Variants in GRIA2 observed in about 807,000 individuals in gnomAD.
The protein encoded by GRIA2 is glutamate receptor 2.
In GRIA2, 14 loss-of-function variants were observed where a neutral mutation model predicts 97.3. The ratio of observed to expected loss-of-function variants is 0.14; its 90% confidence interval spans 0.10 to 0.23. GRIA2 has a LOEUF of 0.23. Among genes scored for constraint, GRIA2 ranks in the 10% least tolerant of loss-of-function variants. GRIA2 has a pLI of 1.00. For synonymous variants in GRIA2, 412 were observed against 387.8 expected, an observed-to-expected ratio of 1.06 and a Z score of -0.73; for missense variants, 558 against 1,069.8, an observed-to-expected ratio of 0.52 and a Z score of 6.67.
chr4:157,359,891 T>C lies in GRIA2; in HGVS notation c.2044-5T>C. The C allele has an allele frequency of 1.2e-6, 2 of 1,613,184 alleles. No individual in the cohort carries two copies. Among genetic ancestry groups the C allele is most frequent in the Non-Finnish European group, 1.7e-6 (2 of 1,179,354 alleles). On this transcript the variant is annotated splice_polypyrimidine_tract_variant and splice_region_variant and intron_variant, in intron 12 of 15. Transcript: ENST00000264426. Reference sequence around the variant, plus strand: ...ATGCTATCTGGCCCCTTACTTTTCCTGCAGAGATCTAAAATTGCAGTGTTT... The same window carrying C: ...ATGCTATCTGGCCCCTTACTTTTCCCGCAGAGATCTAAAATTGCAGTGTTT...
chr4:157,244,853 T>C (rs572366242), intron 2 of GRIA2, among the ~76,000 whole-genome samples: 2 of 152,100 alleles, frequency 1.3e-5, no homozygotes, highest in East Asian at 3.9e-4. Context: ...GAGTTGCTAG[T>C]TGTGAGGAGG....
intron 2 of GRIA2, among the ~76,000 whole-genome samples, chr4:157,274,994 A>C (rs1321522202): frequency 1.3e-5 from 2 of 151,288 alleles, no homozygotes; most frequent in Non-Finnish European, 3.0e-5. Flanking sequence ...ACAGTGTAAA[A>C]GTGTTCCTAT....
chr4:157,275,850 G>A (rs1011452701), intron 2 of GRIA2, among the ~76,000 whole-genome samples: 1 of 151,958 alleles, frequency 6.6e-6, no homozygotes, highest in Non-Finnish European at 1.5e-5. Context: ...TTGGCGATGT[G>A]GGCTCTTTTT....
chr4:157,238,842 C>A (rs1730364538), intron 2 of GRIA2, among the ~76,000 whole-genome samples: 1 of 152,036 alleles, frequency 6.6e-6, no homozygotes, highest in African/African-American at 2.4e-5. Context: ...GTCTTTCATA[C>A]CCTGTGCATC....
intron 2 of GRIA2, among the ~76,000 whole-genome samples, chr4:157,228,023 T>G (rs1729825783): frequency 6.6e-6 from 1 of 152,166 alleles, no homozygotes; most frequent in South Asian, 2.1e-4. Flanking sequence ...AATTTAAAAG[T>G]TTTTTGTCAT....
At chr4:157,295,746 T>C (rs1733318738) in intron 2 of GRIA2, among the ~76,000 whole-genome samples, 1 of 152,150 alleles carries the variant, frequency 6.6e-6, no homozygotes, top group South Asian at 2.1e-4. Flanking sequence ...TGTATTTACC[T>C]ACATTTTGTG....
chr4:157,318,554 T>G (rs1560763608), intron 5 of GRIA2, among the ~76,000 whole-genome samples: 1 of 152,124 alleles, frequency 6.6e-6, no homozygotes. Context: ...CTTTTACAAT[T>G]AAAAAAGAAG....
chr4:157,357,666 G>T (rs1736451784), intron 12 of GRIA2, among the ~76,000 whole-genome samples: 1 of 152,050 alleles, frequency 6.6e-6, no homozygotes, highest in Admixed American at 6.6e-5. Context: ...GAACTTGTAT[G>T]TCTAGGTGAC....
intron 3 of GRIA2, among the ~76,000 whole-genome samples, chr4:157,306,639 T>C (rs1733857235): frequency 6.6e-6 from 1 of 152,198 alleles, no homozygotes; most frequent in African/African-American, 2.4e-5. Flanking sequence ...GACATAAATA[T>C]GTAAGACTCT....
At chr4:157,300,951 G>A (rs1733589285) in intron 2 of GRIA2, among the ~76,000 whole-genome samples, 1 of 152,148 alleles carries the variant, frequency 6.6e-6, no homozygotes, top group Non-Finnish European at 1.5e-5. Flanking sequence ...TCAAACAGTG[G>A]CATTCTTTAT....
chr4:157,267,391 C>CAAAA (rs772189197), intron 2 of GRIA2, among the ~76,000 whole-genome samples: 1 of 51,758 alleles, frequency 1.9e-5, no homozygotes, highest in Non-Finnish European at 4.0e-5. Context: ...GACTCCATCT[C>CAAAA]AAAAAAAAAA....
intron 2 of GRIA2, among the ~76,000 whole-genome samples, chr4:157,222,659 G>T (rs1006896393): frequency 6.6e-6 from 1 of 152,224 alleles, no homozygotes; most frequent in Non-Finnish European, 1.5e-5. Flanking sequence ...CTGGGAAGCC[G>T]TGGGATCTGG....
chr4:157,360,719 T>A, intron 13 of GRIA2: 8 of 501,398 alleles, frequency 1.6e-5, no homozygotes, highest in East Asian at 1.1e-4. Flanking sequence ...TGGAGTCACA[T>A]TCAAGACACT....
At chr4:157,234,325 T>C (rs77281021) in intron 2 of GRIA2, among the ~76,000 whole-genome samples, 7,143 of 152,154 alleles carry the variant, frequency 0.047, 269 homozygotes, top group African/African-American at 0.1. Context: ...TATGTAATTT[T>C]CAAAATAATA....
In GRIA2 at chr4:157,238,286, G is replaced by T. The variant is rs375857643; in HGVS notation, c.229+16479G>T. On this transcript the variant is annotated intron_variant, in intron 2 of 15. Coordinates refer to ENST00000264426, the MANE Select transcript of GRIA2 (RefSeq NM_001083619.3). ...TGTGTATTTTTGGCCAACCGTCAGG[G>T]AAATTTATAAATCTTTAACCACTTT... Among the ~76,000 whole-genome samples the T allele has an allele frequency of 2.6e-4, 39 of 152,212 alleles. No individual in the cohort carries two copies. In the East Asian group the frequency reaches 4.4e-3, roughly 17 times the overall value.
intron 2 of GRIA2, among the ~76,000 whole-genome samples, chr4:157,225,098 G>C (rs552457110): frequency 6.6e-6 from 1 of 152,044 alleles, no homozygotes; most frequent in Non-Finnish European, 1.5e-5. Context: ...TGAAGTGGAC[G>C]TTGATATGAG....
chr4:157,229,739 T>G (rs936719974), intron 2 of GRIA2, among the ~76,000 whole-genome samples: 23 of 152,160 alleles, frequency 1.5e-4, no homozygotes, highest in African/African-American at 5.3e-4. Flanking sequence ...TGGCCTAAAT[T>G]TTAGTTCTTC....
chr4:157,305,563 C>T (rs1056134157), intron 3 of GRIA2, among the ~76,000 whole-genome samples: 1 of 152,280 alleles, frequency 6.6e-6, no homozygotes, highest in South Asian at 2.1e-4. Context: ...CCATTGCATT[C>T]TGCTGTCTTG....
In GRIA2 at chr4:157,230,906, T is replaced by A. The variant is rs1263775015; in HGVS notation, c.229+9099T>A. On this transcript the variant is annotated intron_variant, in intron 2 of 15. Transcript: ENST00000264426. ...TCTCGCTCTGTTCCCCAGGCTGGAGTGCAGTAGAGCTATCACAGCTCGCTT... is the reference window on the plus strand; with the variant it reads ...TCTCGCTCTGTTCCCCAGGCTGGAGAGCAGTAGAGCTATCACAGCTCGCTT... 2.6e-5 allele frequency among the ~76,000 whole-genome samples: 4 copies of A among 152,144 alleles called. No individual in the cohort carries two copies. The East Asian group carries it at 7.7e-4, about 29-fold the overall frequency.
Sources: allele counts gnomAD v4.1 joint callset (sites outside exome capture counted in the v4.1 genomes callset), GRCh38; gene constraint gnomAD v4.1.1; transcripts MANE v1.5; gene names NCBI Gene and HGNC (gene_info 2026-07-23, HGNC 2026-07-21).